The following TMEM243 variants were observed in gnomAD, a reference collection of about 807,000 sequenced individuals.
The protein encoded by TMEM243 is MDR1 and mitochondrial taxol resistance associated.
Under a neutral mutation model 15.0 loss-of-function variants are expected in TMEM243, and 20 were observed. The observed-to-expected ratio is 1.33, with a 90% CI of 0.94 to 1.93. The LOEUF (loss-of-function observed/expected upper bound fraction) is 1.93. TMEM243 is among the 30% of genes most tolerant of loss of function. The probability of loss-of-function intolerance (pLI) is 0.00; values close to 1 mark genes in which losing one functional copy is unlikely to be tolerated. For missense variants in TMEM243, 156 were observed against 142.1 expected (o/e 1.10, Z -0.50); for synonymous variants, 72 against 52.7 (o/e 1.37, Z -1.59).
chr7:87,213,794 T>C (rs866789413), intron 1 of TMEM243, among the ~76,000 whole-genome samples: 23 of 145,574 alleles, frequency 1.6e-4, no homozygotes, highest in African/African-American at 5.6e-4. Context: ...TTTTTTTTTA[T>C]TGGGGGGATG....
At chr7:87,197,290 ATTAATT>A (rs1801372010) in intron 3 of TMEM243, among the ~76,000 whole-genome samples, 1 of 151,950 alleles carries the variant, frequency 6.6e-6, no homozygotes, top group Non-Finnish European at 1.5e-5. Flanking sequence ...TCCTGGTTTA[ATTAATT>A]TTAACTCAGA....
chr7:87,219,423 C>T lies in TMEM243; in HGVS notation c.78+3G>A, dbSNP rs976861339. Reference sequence around the variant, plus strand: ...CCAGTCTGGAGTCACAATCCGCACTCACCTTGGCGGACGTCTCCCCAAACA... The same window carrying T: ...CCAGTCTGGAGTCACAATCCGCACTTACCTTGGCGGACGTCTCCCCAAACA... On this transcript the variant is annotated splice_donor_region_variant and intron_variant, in intron 1 of 3. Coordinates refer to ENST00000257637, the MANE Select transcript of TMEM243 (RefSeq NM_024315.4). 7 of 1,614,024 alleles carry T rather than the reference C, an allele frequency of 4.3e-6. No individual in the cohort carries two copies. Among genetic ancestry groups the T allele is most frequent in the Middle Eastern group, 1.6e-4 (1 of 6,082 alleles).
chr7:87,209,901 AGT>A (rs1446403068), intron 1 of TMEM243, among the ~76,000 whole-genome samples: 3 of 138,090 alleles, frequency 2.2e-5, no homozygotes, highest in African/African-American at 5.5e-5. Context: ...ACAGTGAGAG[AGT>A]GAGAGACAGA....
chr7:87,199,045 T>G lies in TMEM243; in HGVS notation c.91A>C (p.Asn31His), dbSNP rs1050285881. Residue 31 changes from asparagine to histidine, a missense_variant, in exon 2 of 4, where the codon AAT (asparagine) becomes CAT (histidine). By Grantham distance (68) the Asn-to-His change is moderately conservative. Transcript: ENST00000257637. ...GATGTTAAGCTGCCAACAACTAAAT[T>G]GATGATTCGATCCTGAAAGAGAAAA... ...GETSAKDRII[N>H]LVVGSLTSLL... is the part of the protein sequence containing the mutation. 1 of 1,606,356 alleles carries G rather than the reference T, an allele frequency of 6.2e-7. No individual in the cohort carries two copies. The highest frequency in any genetic ancestry group is 8.5e-7 in the Non-Finnish European group (1 of 1,177,422).
rs2129215222 is a variant in TMEM243 at position 87,196,437 on chromosome 7, CAACA to C, written c.*195_*198del. The C allele has an allele frequency of 2.1e-6, 1 of 487,666 alleles. No individual in the cohort carries two copies. The highest frequency in any genetic ancestry group is 3.4e-5 in the South Asian group (1 of 29,054). The allele number at this position is 487,666 out of a possible 1,614,324, so 30.2% of individuals were successfully genotyped here. A position where few individuals can be genotyped will look rare whatever the true frequency, so the allele number is the denominator to read the frequency against. On this transcript the variant is annotated 3_prime_UTR_variant, in exon 4 of 4. Coordinates refer to ENST00000257637, the MANE Select transcript of TMEM243 (RefSeq NM_024315.4). ...CTTTAAGGGTTGGAATGTTTAGGTG[CAACA>C]TCAGCTCCTTAAAGAAAAAGCAAAG...
At chr7:87,197,199 C>T (rs1205419276) in intron 3 of TMEM243, among the ~76,000 whole-genome samples, 3 of 152,084 alleles carry the variant, frequency 2.0e-5, no homozygotes, top group South Asian at 2.1e-4. Context: ...CAGGAAAGCT[C>T]CCAAAGTGGG....
rs1165369933 is a variant in TMEM243, at chr7:87,196,409, T to C, written c.*227A>G. On this transcript the variant is annotated 3_prime_UTR_variant, in exon 4 of 4. Transcript: ENST00000257637. ...AAAGTGAAATTTTTTTGTGCTGTTTTAGCTTTAAGGGTTGGAATGTTTAGG... is the reference window on the plus strand; with the variant it reads ...AAAGTGAAATTTTTTTGTGCTGTTTCAGCTTTAAGGGTTGGAATGTTTAGG... The C allele has an allele frequency of 7.4e-6, 3 of 406,376 alleles. No homozygotes were observed. Among genetic ancestry groups the C allele is most frequent in the East Asian group, 4.4e-5 (1 of 22,832 alleles). 25.2% of individuals were successfully genotyped at this position (406,376 alleles called of 1,614,324 possible). A position where few individuals can be genotyped will look rare whatever the true frequency, so the allele number is the denominator to read the frequency against.
chr7:87,198,900 TA>T, intron 2 of TMEM243, 106 bp downstream of exon 2: 2 of 1,015,222 alleles, frequency 2.0e-6, no homozygotes, highest in Non-Finnish European at 2.8e-6. Context: ...TTTGTGGTAA[TA>T]AAATTAAAAG....
intron 1 of TMEM243, among the ~76,000 whole-genome samples, chr7:87,210,151 A>AT (rs1259681708): frequency 6.6e-6 from 1 of 152,106 alleles, no homozygotes; most frequent in Non-Finnish European, 1.5e-5. Context: ...GAACTCGTTC[A>AT]TGAGACAGCA....
At chr7:87,208,126 T>G (rs1802359285) in intron 1 of TMEM243, among the ~76,000 whole-genome samples, 1 of 152,206 alleles carries the variant, frequency 6.6e-6, no homozygotes, top group Non-Finnish European at 1.5e-5. Context: ...CCAAATCTCA[T>G]GTCCTCACAT....
At chr7:87,208,700 G>A (rs180851066) in intron 1 of TMEM243, among the ~76,000 whole-genome samples, 9 of 152,326 alleles carry the variant, frequency 5.9e-5, no homozygotes, top group East Asian at 1.9e-4. Flanking sequence ...TTGGGCCACC[G>A]TATATGGCTA....
chr7:87,208,780 A>G (rs545728774), intron 1 of TMEM243, among the ~76,000 whole-genome samples: 4 of 152,348 alleles, frequency 2.6e-5, no homozygotes, highest in South Asian at 4.1e-4. Flanking sequence ...GCATCTACCC[A>G]GAGGCAACAG....
intron 1 of TMEM243, 51 bp downstream of exon 1, chr7:87,219,375 A>G: frequency 6.4e-6 from 10 of 1,570,460 alleles, no homozygotes; most frequent in Non-Finnish European, 8.8e-6. Flanking sequence ...GCCAGAGGGC[A>G]GGCAGCAGAC....
At chr7:87,218,770 A>C (rs1803283891) in intron 1 of TMEM243, 1 of 152,294 alleles carries the variant, frequency 6.6e-6, no homozygotes, top group Admixed American at 6.5e-5. Flanking sequence ...CAAACTACTC[A>C]GAAAGTTAAT....
chr7:87,219,622 G>A lies in TMEM243; in HGVS notation c.-119C>T, dbSNP rs941426672. ...GGCTCCCGCATAGCCGAACCCGAGT[G>A]GTCGGGGAAGCGCTGGCGCCAGGGA... On this transcript the variant is annotated 5_prime_UTR_variant, in exon 1 of 4. Transcript: ENST00000257637. 1.1e-6 allele frequency: 1 copy of A among 888,174 alleles called. No homozygotes were observed. Among genetic ancestry groups the A allele is most frequent in the Non-Finnish European group, 1.8e-6 (1 of 562,800 alleles). 55.0% of individuals were successfully genotyped at this position (888,174 alleles called of 1,614,324 possible). A position where few individuals can be genotyped will look rare whatever the true frequency, so the allele number is the denominator to read the frequency against.
At chr7:87,216,842 T>C (rs981487000) in intron 1 of TMEM243, 1 of 152,222 alleles carries the variant, frequency 6.6e-6, no homozygotes, top group Non-Finnish European at 1.5e-5. Context: ...GCCTAATTAC[T>C]GACTTCACTA....
intron 1 of TMEM243, among the ~76,000 whole-genome samples, chr7:87,213,673 A>G (rs1438742347): frequency 1.3e-5 from 2 of 152,218 alleles, no homozygotes; most frequent in South Asian, 4.1e-4. Context: ...ATGAAGTAGC[A>G]ACTCTAATCT....
chr7:87,212,814 T>C (rs1333330753), intron 1 of TMEM243, among the ~76,000 whole-genome samples: 1 of 152,182 alleles, frequency 6.6e-6, no homozygotes, highest in Non-Finnish European at 1.5e-5. Flanking sequence ...TGGTAAGTCA[T>C]TGTCCCTAGG....
At chr7:87,200,310 G>C (rs1442400843) in intron 1 of TMEM243, among the ~76,000 whole-genome samples, 3 of 152,166 alleles carry the variant, frequency 2.0e-5, no homozygotes, top group African/African-American at 7.2e-5. Context: ...ACCTCAGCTA[G>C]AGAAGCCTAC....
Sources: allele counts gnomAD v4.1 joint callset (sites outside exome capture counted in the v4.1 genomes callset), GRCh38; gene constraint gnomAD v4.1.1; transcripts MANE v1.5; gene names NCBI Gene and HGNC (gene_info 2026-07-23, HGNC 2026-07-21).